COG5: variants seen among roughly 807,000 people sequenced by gnomAD.
COG5 encodes the protein conserved oligomeric Golgi complex subunit 5.
COG5 carries 86 observed loss-of-function variants against 110.4 expected under a neutral mutation model. That is an observed-to-expected ratio of 0.78 (90% CI 0.65 to 0.93). The LOEUF is 0.93. Ranked by LOEUF, COG5 falls within the 40% of genes least tolerant of loss-of-function variation. The pLI, the probability that COG5 is intolerant of heterozygous loss-of-function variation, is 0.00. For missense variants in COG5, 1,077 were observed against 987.0 expected, an observed-to-expected ratio of 1.09 and a Z score of -1.22; for synonymous variants, 360 against 334.6, an observed-to-expected ratio of 1.08 and a Z score of -0.83.
intron 6 of COG5, among the ~76,000 whole-genome samples, chr7:107,504,960 G>A (rs992399142): frequency 6.6e-6 from 1 of 152,004 alleles, no homozygotes; most frequent in Non-Finnish European, 1.5e-5. Flanking sequence ...AGTTCTTGGT[G>A]CTTTCAGGGG....
At chr7:107,263,671 G>C (rs866596946) in intron 14 of COG5, among the ~76,000 whole-genome samples, 16 of 152,050 alleles carry the variant, frequency 1.1e-4, no homozygotes, top group South Asian at 2.1e-4. Flanking sequence ...CAAATGACAA[G>C]ATACACTATT....
chr7:107,291,941 G>A (rs1806210008), intron 12 of COG5, among the ~76,000 whole-genome samples: 2 of 152,172 alleles, frequency 1.3e-5, no homozygotes, highest in Admixed American at 6.5e-5. Context: ...AGGTTCAGTT[G>A]CAAATGAAGT....
chr7:107,530,728 A>T (rs1429417133), intron 5 of COG5, among the ~76,000 whole-genome samples: 1 of 151,940 alleles, frequency 6.6e-6, no homozygotes, highest in East Asian at 1.9e-4. Context: ...TAAAATCCTT[A>T]GTTAATAAGT....
intron 14 of COG5, among the ~76,000 whole-genome samples, chr7:107,271,230 A>C (rs969838409): frequency 6.6e-6 from 1 of 152,070 alleles, no homozygotes; most frequent in Admixed American, 6.6e-5. Context: ...TGGGCAACAC[A>C]GCAAGACTCC....
intron 7 of COG5, among the ~76,000 whole-genome samples, chr7:107,381,878 C>A (rs1158071275): frequency 2.6e-5 from 4 of 152,142 alleles, no homozygotes; most frequent in Non-Finnish European, 4.4e-5. Flanking sequence ...GTAAGGTATA[C>A]CCCCCGTGAT....
At chr7:107,350,693 TG>T (rs1812062724) in intron 10 of COG5, among the ~76,000 whole-genome samples, 1 of 152,180 alleles carries the variant, frequency 6.6e-6, no homozygotes, top group Non-Finnish European at 1.5e-5. Context: ...ACAGAGGAAC[TG>T]CATTTGTTTC....
chr7:107,348,412 A>AT (rs1055772707), intron 10 of COG5, among the ~76,000 whole-genome samples: 1 of 152,138 alleles, frequency 6.6e-6, no homozygotes, highest in African/African-American at 2.4e-5. Flanking sequence ...TTGAAAAACC[A>AT]TATGGGCCTA....
chr7:107,426,922 T>C (rs1041307699), intron 6 of COG5, among the ~76,000 whole-genome samples: 4 of 152,188 alleles, frequency 2.6e-5, no homozygotes, highest in Non-Finnish European at 4.4e-5. Context: ...CTAGGAACCC[T>C]AACTTCAGTA....
At chr7:107,507,962 G>A (rs907352906) in intron 6 of COG5, among the ~76,000 whole-genome samples, 2 of 152,230 alleles carry the variant, frequency 1.3e-5, no homozygotes, top group Non-Finnish European at 2.9e-5. Flanking sequence ...CGACGCAGAA[G>A]ACGGGTGATT....
At chr7:107,205,961 T>A (rs1213444955) in intron 21 of COG5, among the ~76,000 whole-genome samples, 1 of 151,802 alleles carries the variant, frequency 6.6e-6, no homozygotes, top group East Asian at 1.9e-4. Flanking sequence ...GCTGTTTTTT[T>A]TTTTTTTTTA....
chr7:107,256,257 T>A (rs1198569159), intron 16 of COG5, among the ~76,000 whole-genome samples: 1 of 152,076 alleles, frequency 6.6e-6, no homozygotes, highest in Non-Finnish European at 1.5e-5. Context: ...ACTGGGAAAT[T>A]CTGTTATGAG....
intron 6 of COG5, among the ~76,000 whole-genome samples, chr7:107,454,722 G>A (rs745710604): frequency 6.6e-6 from 1 of 152,134 alleles, no homozygotes; most frequent in Non-Finnish European, 1.5e-5. Context: ...GGAAAGGAGA[G>A]CTGCTGGTTA....
chr7:107,462,660 A>C (rs1228822888), intron 6 of COG5, among the ~76,000 whole-genome samples: 1 of 151,690 alleles, frequency 6.6e-6, no homozygotes, highest in Non-Finnish European at 1.5e-5. Context: ...AAAGGAATTC[A>C]TCCTACAAGT....
chr7:107,203,751 C>T (rs1279521865), intron 21 of COG5, 121 bp from the exon 22 acceptor site: 2 of 703,122 alleles, frequency 2.8e-6, no homozygotes, highest in Non-Finnish European at 5.0e-6. Flanking sequence ...TGCTCGGTTT[C>T]ACAAGCCAAG....
At chr7:107,555,789 AT>A (rs964551176) in intron 2 of COG5, among the ~76,000 whole-genome samples, 30 of 152,184 alleles carry the variant, frequency 2.0e-4, no homozygotes, top group Admixed American at 1.6e-3. Context: ...AGGTGGGTGG[AT>A]CATTTGAGGT....
At chr7:107,523,799 C>T (rs1584930656) in intron 6 of COG5, among the ~76,000 whole-genome samples, 1 of 138,368 alleles carries the variant, frequency 7.2e-6, no homozygotes, top group African/African-American at 2.7e-5. Flanking sequence ...TGGGCAACAA[C>T]AGCAAAACTT....
intron 19 of COG5, among the ~76,000 whole-genome samples, chr7:107,223,488 G>C (rs1321948294): frequency 6.6e-6 from 1 of 152,168 alleles, no homozygotes; most frequent in Non-Finnish European, 1.5e-5. Flanking sequence ...CAGGGATTTG[G>C]GCTGACATTC....
At chr7:107,372,898 CAAG>C in intron 7 of COG5, 138 bp from the exon 8 acceptor site, 1 of 743,044 alleles carries the variant, frequency 1.3e-6, no homozygotes, top group Non-Finnish European at 2.1e-6. Flanking sequence ...TTATCAAAGA[CAAG>C]AAAAAACACA....
At chr7:107,245,864 T>C (rs1232234242) in intron 17 of COG5, among the ~76,000 whole-genome samples, 2 of 152,180 alleles carry the variant, frequency 1.3e-5, no homozygotes, top group Non-Finnish European at 2.9e-5. Flanking sequence ...AAACAAACTA[T>C]TTTAAAATTC....
Sources: gnomAD v4.1 joint callset for allele counts (sites outside exome capture counted in the v4.1 genomes callset) on GRCh38, gnomAD v4.1.1 for gene constraint, MANE v1.5 for transcripts, NCBI Gene and HGNC (gene_info 2026-07-23, HGNC 2026-07-21) for gene names.